CCKBR: variants seen among roughly 807,000 people sequenced by gnomAD.
CCKBR encodes cholecystokinin B receptor.
A neutral mutation model predicts 34.6 loss-of-function variants in CCKBR; 33 were observed. The ratio of observed to expected loss-of-function variants is 0.95; its 90% CI spans 0.72 to 1.27. The LOEUF is 1.27. Among genes scored for constraint, CCKBR ranks in the 50% most tolerant of loss-of-function variants. The pLI, the probability that CCKBR is intolerant of heterozygous loss-of-function variation, is 0.00. For missense variants in CCKBR, 652 were observed against 617.4 expected (o/e 1.06, Z -0.59); for synonymous variants, 269 against 267.5 (o/e 1.01, Z -0.06).
chr11:6,267,105 G>C (rs1338353591), intron 1 of CCKBR, among the ~76,000 whole-genome samples: 2 of 152,120 alleles, frequency 1.3e-5, no homozygotes, highest in Non-Finnish European at 2.9e-5. Context: ...AGTGATGAGT[G>C]GTGAGTGAAA....
At chr11:6,265,880 A>C (rs1342918183) in intron 1 of CCKBR, among the ~76,000 whole-genome samples, 1 of 152,218 alleles carries the variant, frequency 6.6e-6, no homozygotes, top group East Asian at 1.9e-4. Flanking sequence ...GCAAAGAAGA[A>C]GAAGAAAGGG....
chr11:6,265,058 G>A (rs545692941), intron 1 of CCKBR, among the ~76,000 whole-genome samples: 1 of 152,284 alleles, frequency 6.6e-6, no homozygotes, highest in African/African-American at 2.4e-5. Flanking sequence ...ACACAGAATA[G>A]TTTCACTGCC....
In CCKBR at chr11:6,269,739, C is replaced by T. The variant is rs201275033; in HGVS notation, c.222C>T (p.Leu74=). The change falls in exon 2 of 5, where the codon CTC becomes CTT. Residue 74 remains leucine, a synonymous_variant. Transcript: ENST00000334619. ...TGATGAGCGTTGGAGGAAATATGCT[C>T]ATCATCGTGGTCCTGGGACTGAGCC... ...IFLMSVGGNM[L]IIVVLGLSRR... is the part of the protein sequence containing the mutation. 1.9e-5 allele frequency: 30 copies of T among 1,614,016 alleles called. No homozygotes were observed. Among genetic ancestry groups the T allele is most frequent in the Middle Eastern group, 1.6e-4 (1 of 6,084 alleles).
rs770640919 is a variant in CCKBR at position 6,260,105 on chromosome 11, A to G, written c.151+26A>G. 9 of 1,396,716 alleles carry G rather than the reference A, an allele frequency of 6.4e-6. No individual in the cohort carries two copies. The Admixed American group carries it at 1.2e-4, about 19-fold the overall frequency. 86.5% of individuals were successfully genotyped at this position (1,396,716 alleles called of 1,614,324 possible). A position where few individuals can be genotyped will look rare whatever the true frequency, so the allele number is the denominator to read the frequency against. On this transcript the variant is annotated intron_variant, in intron 1 of 4. Coordinates refer to ENST00000334619, the MANE Select transcript of CCKBR (RefSeq NM_176875.4). ...GTGGGTGCCTCCCTCAGCCCCCCCC[A>G]CAAGCTATTTCTCACTGTACCCCAG...
rs546311690 is a variant in CCKBR at position 6,269,722 on chromosome 11, G to A, written c.205G>A (p.Val69Ile). Residue 69 changes from valine (V) to isoleucine (I), a missense_variant, in exon 2 of 5, where the codon GTT becomes ATT. By Grantham distance (29) the Val-to-Ile change is conservative (BLOSUM62 3). Transcript: ENST00000334619. ...TTACGCAGTGATCTTCCTGATGAGC[G>A]TTGGAGGAAATATGCTCATCATCGT... ...TLYAVIFLMS[V>I]GGNMLIIVVL... The A allele has an allele frequency of 8.1e-6, 13 of 1,614,064 alleles. No individual in the cohort carries two copies. The highest frequency in any genetic ancestry group is 1.3e-5 in the African/African-American group (1 of 75,024).
chr11:6,268,388 G>C (rs187532330), intron 1 of CCKBR, among the ~76,000 whole-genome samples: 1 of 152,242 alleles, frequency 6.6e-6, no homozygotes, highest in East Asian at 1.9e-4. Context: ...ATAGGTGTGA[G>C]TAATTCAGTC....
At chr11:6,264,579 T>A (rs1480450267) in intron 1 of CCKBR, 1 of 701,058 alleles carries the variant, frequency 1.4e-6, no homozygotes, top group East Asian at 2.7e-5. Flanking sequence ...AGGAAGATGA[T>A]GAGATGATGC....
chr11:6,270,021 A>T, intron 2 of CCKBR, 67 bp from the exon 3 acceptor site: 1 of 1,588,464 alleles, frequency 6.3e-7, no homozygotes, highest in Non-Finnish European at 8.6e-7. Flanking sequence ...GGTGTGAGGA[A>T]GTCCCACTGA....
chr11:6,271,201 G>A lies in CCKBR; in HGVS notation c.1002G>A (p.Met334Ile). ...TGGCTAAGAAGCGCGTGGTGCGAAT[G>A]TTGCTGGTGATCGTTGTGCTTTTTT... ...KLLAKKRVVRMLLVIVVLFFL... is the reference protein window; with the variant it reads ...KLLAKKRVVRILLVIVVLFFL... The change falls in exon 5 of 5, where the codon ATG becomes ATA. Residue 334 changes from methionine (M) to isoleucine (I), a missense_variant. Coordinates refer to ENST00000334619, the MANE Select transcript of CCKBR (RefSeq NM_176875.4). 6.2e-7 allele frequency: 1 copy of A among 1,614,186 alleles called. No homozygotes were observed. The highest frequency in any genetic ancestry group is 8.5e-7 in the Non-Finnish European group (1 of 1,180,038).
At chr11:6,265,645 G>A (rs147956397) in intron 1 of CCKBR, among the ~76,000 whole-genome samples, 1 of 152,294 alleles carries the variant, frequency 6.6e-6, no homozygotes, top group Non-Finnish European at 1.5e-5. Context: ...CTCTCTGACA[G>A]AGGTCTCCCT....
At chr11:6,267,726 G>A (rs1366625863) in intron 1 of CCKBR, among the ~76,000 whole-genome samples, 1 of 152,182 alleles carries the variant, frequency 6.6e-6, no homozygotes, top group Non-Finnish European at 1.5e-5. Flanking sequence ...TGACAGCACA[G>A]TAGGTTTGTT....
chr11:6,260,592 A>G (rs1848115236), intron 1 of CCKBR, among the ~76,000 whole-genome samples: 1 of 150,576 alleles, frequency 6.6e-6, no homozygotes, highest in South Asian at 2.1e-4. Flanking sequence ...CAGCCATCCC[A>G]AAAAAGATCC....
intron 1 of CCKBR, among the ~76,000 whole-genome samples, chr11:6,267,609 A>G (rs948910665): frequency 6.6e-6 from 1 of 152,216 alleles, no homozygotes; most frequent in African/African-American, 2.4e-5. Context: ...ACTCTAAAAT[A>G]ATGATTGAAA....
intron 1 of CCKBR, among the ~76,000 whole-genome samples, chr11:6,262,166 G>A (rs1410343522): frequency 6.6e-6 from 1 of 152,184 alleles, no homozygotes; most frequent in Non-Finnish European, 1.5e-5. Context: ...TCCAGGTGAG[G>A]TTACCTAGTA....
At chr11:6,261,462 T>TATATATATACACACACACACACAC (rs764173521) in intron 1 of CCKBR, among the ~76,000 whole-genome samples, 9 of 64,002 alleles carry the variant, frequency 1.4e-4, no homozygotes, top group African/African-American at 4.8e-4. Context: ...AAAATATATA[T>TATATATATACACACACACACACAC]ACACACACAC....
chr11:6,264,649 C>A, intron 1 of CCKBR: 1 of 653,592 alleles, frequency 1.5e-6, no homozygotes, highest in Non-Finnish European at 2.8e-6. Flanking sequence ...ATCTCCCATC[C>A]TTCTACCCAT....
chr11:6,260,187 G>C, intron 1 of CCKBR, 108 bp downstream of exon 1: 1 of 752,858 alleles, frequency 1.3e-6, no homozygotes, highest in Non-Finnish European at 2.0e-6. Flanking sequence ...CGTCCACACC[G>C]TGCCTCTCAT....
At chr11:6,266,479 A>G (rs1232763468) in intron 1 of CCKBR, among the ~76,000 whole-genome samples, 2 of 151,870 alleles carry the variant, frequency 1.3e-5, no homozygotes, top group Non-Finnish European at 2.9e-5. Flanking sequence ...ACAAGAGCAA[A>G]ACTCCATCTC....
chr11:6,270,134 G>A lies in CCKBR; in HGVS notation c.450G>A (p.Leu150=). The change falls in exon 3 of 5, where the codon CTG becomes CTA. Residue 150 remains leucine (L), a synonymous_variant. Transcript: ENST00000334619. ...VSTLSLVAIA[L]ERYSAICRPL... ...CGCTAAGCCTCGTGGCCATCGCACT[G>A]GAGCGGTACAGCGCCATCTGCCGAC... 6.2e-7 allele frequency: 1 copy of A among 1,612,812 alleles called. No homozygotes were observed. The highest frequency in any genetic ancestry group is 8.5e-7 in the Non-Finnish European group (1 of 1,179,092).
Sources: allele counts gnomAD v4.1 joint callset (sites outside exome capture counted in the v4.1 genomes callset), GRCh38; gene constraint gnomAD v4.1.1; transcripts MANE v1.5; gene names NCBI Gene and HGNC (gene_info 2026-07-23, HGNC 2026-07-21).